RPTOR: variants seen among roughly 807,000 people sequenced by gnomAD.
RPTOR encodes the protein regulatory-associated protein of mTOR.
A neutral mutation model predicts 169.9 loss-of-function variants in RPTOR; 21 were observed. The observed-to-expected ratio is 0.12, with a 90% CI of 0.09 to 0.18. RPTOR has a LOEUF of 0.18. Ranked by LOEUF, RPTOR falls within the 10% of genes least tolerant of loss-of-function variation. RPTOR has a pLI of 1.00. For synonymous variants in RPTOR, 732 were observed against 753.2 expected (o/e 0.97, Z 0.46); for missense variants, 1,133 against 1,855.9 (o/e 0.61, Z 7.16).
At chr17:80,559,877 T>C (rs1257234061) in intron 1 of RPTOR, among the ~76,000 whole-genome samples, 1 of 152,224 alleles carries the variant, frequency 6.6e-6, no homozygotes, top group African/African-American at 2.4e-5. Flanking sequence ...CCTTGTTTTC[T>C]GAGGTAAACG....
chr17:80,545,690 C>G lies in RPTOR; in HGVS notation c.61C>G (p.Leu21Val). The G allele has an allele frequency of 6.2e-7, 1 of 1,613,790 alleles. No homozygotes were observed. Among genetic ancestry groups the G allele is most frequent in the Non-Finnish European group, 8.5e-7 (1 of 1,179,798 alleles). ...CCTGGGGGAGGAAGATGAGGCTGAT[C>G]TTACAGACTGGAACCTACCTTTGGC... ...LGLGEEDEAD[L>V]TDWNLPLAFM... is the part of the protein sequence containing the mutation. The change falls in exon 1 of 34, where the codon CTT becomes GTT. Residue 21 changes from leucine (L) to valine (V), a missense_variant. By Grantham distance (32) the Leu-to-Val change is conservative (BLOSUM62 1). Around this residue, in one of 9 missense-constraint regions of RPTOR, gnomAD observed 47 missense variants for 59.5 expected, o/e 0.79. Transcript: ENST00000306801.
At chr17:80,684,295 A>G (rs2065919165) in intron 3 of RPTOR, among the ~76,000 whole-genome samples, 2 of 151,958 alleles carry the variant, frequency 1.3e-5, no homozygotes, top group South Asian at 4.1e-4. Flanking sequence ...TCAAAACTGT[A>G]TAAAGCTAGA....
In RPTOR at chr17:80,957,001, G is replaced by A. The variant is rs187238954; in HGVS notation, c.3371-623G>A. Among the ~76,000 whole-genome samples the A allele has an allele frequency of 3.2e-4, 49 of 152,362 alleles. No individual in the cohort carries two copies. The highest frequency in any genetic ancestry group is 1.1e-3 in the African/African-American group (47 of 41,592). On this transcript the variant is annotated intron_variant, in intron 28 of 33. Transcript: ENST00000306801. The surrounding 1 kb of genome is among the most constrained non-coding windows in gnomAD (Gnocchi z 4.6). ...CTCTAGCGATGCCTGGGGCATAGTC[G>A]AGTCAGGGGAAGACTCAGAGTTCCA... is the stretch of plus-strand genomic sequence containing the variant.
chr17:80,610,662 G>T (rs1043424822), intron 1 of RPTOR, among the ~76,000 whole-genome samples: 1 of 152,152 alleles, frequency 6.6e-6, no homozygotes, highest in African/African-American at 2.4e-5. Context: ...TGATCCTTCA[G>T]CTGAACCTAG....
chr17:80,598,251 T>G (rs2065158651), intron 1 of RPTOR, among the ~76,000 whole-genome samples: 1 of 152,204 alleles, frequency 6.6e-6, no homozygotes, highest in Non-Finnish European at 1.5e-5. Context: ...TGATGCCATT[T>G]CAACATGGAG....
intron 1 of RPTOR, among the ~76,000 whole-genome samples, chr17:80,610,450 C>A (rs2065262048): frequency 6.6e-6 from 1 of 152,120 alleles, no homozygotes. Context: ...GATGACGGGG[C>A]TGAGATGCTG....
intron 5 of RPTOR, among the ~76,000 whole-genome samples, chr17:80,733,252 GTCAC>G (rs1318745013): frequency 6.6e-6 from 1 of 152,132 alleles, no homozygotes; most frequent in African/African-American, 2.4e-5. Context: ...TGACATATCT[GTCAC>G]TCAGTAATCC....
At chr17:80,546,945 C>G (rs145670872) in intron 1 of RPTOR, among the ~76,000 whole-genome samples, 8,291 of 151,958 alleles carry the variant, frequency 0.055, 756 homozygotes, top group African/African-American at 0.19. Flanking sequence ...GGCAGGTGCC[C>G]GTAATCCCAG....
chr17:80,932,513 G>A lies in RPTOR; in HGVS notation c.2919+7033G>A, dbSNP rs78057188. Among the ~76,000 whole-genome samples, 665 of 152,224 alleles carry A rather than the reference G, an allele frequency of 4.4e-3. 5 individuals are homozygous for A. Among genetic ancestry groups the A allele is most frequent in the African/African-American group, 0.015 (616 of 41,530 alleles). ...TGACCTAAAGGCATTGACAGCAAAGGTAGACAACAAACATGAACAGATGAG... is the reference window on the plus strand; with the variant it reads ...TGACCTAAAGGCATTGACAGCAAAGATAGACAACAAACATGAACAGATGAG... On this transcript the variant is annotated intron_variant, in intron 24 of 33. Coordinates refer to ENST00000306801, the MANE Select transcript of RPTOR (RefSeq NM_020761.3).
In RPTOR at chr17:80,946,077, G is replaced by A. The variant is rs370548357; in HGVS notation, c.3140+296G>A. On this transcript the variant is annotated intron_variant, in intron 26 of 33. Transcript: ENST00000306801. ...CCCCAGTGACACTTGTAATAGAGGCGTACACAGGGGGGCCAGCTTGCTGCC... is the reference window on the plus strand; with the variant it reads ...CCCCAGTGACACTTGTAATAGAGGCATACACAGGGGGGCCAGCTTGCTGCC... Among the ~76,000 whole-genome samples, 6 of 152,148 alleles carry A rather than the reference G, an allele frequency of 3.9e-5. No homozygotes were observed. The East Asian group carries it at 7.7e-4, about 20-fold the overall frequency.
At chr17:80,626,434 G>A (rs1206475728) in intron 2 of RPTOR, among the ~76,000 whole-genome samples, 2 of 152,146 alleles carry the variant, frequency 1.3e-5, no homozygotes, top group African/African-American at 4.8e-5. Flanking sequence ...TGGAATGACT[G>A]ATACCTGCAT....
At chr17:80,680,812 C>T (rs1013620137) in intron 3 of RPTOR, among the ~76,000 whole-genome samples, 17 of 151,906 alleles carry the variant, frequency 1.1e-4, no homozygotes, top group Admixed American at 1.1e-3. Flanking sequence ...TCCTGCGTGC[C>T]GAGGCAAAGA....
At chr17:80,830,896 A>T (rs559379447) in intron 9 of RPTOR, among the ~76,000 whole-genome samples, 1 of 152,168 alleles carries the variant, frequency 6.6e-6, no homozygotes, top group African/African-American at 2.4e-5. Context: ...GACTACAGGC[A>T]CACGCCCAGC....
intron 3 of RPTOR, among the ~76,000 whole-genome samples, chr17:80,645,532 G>T (rs2065588370): frequency 6.6e-6 from 1 of 152,202 alleles, no homozygotes; most frequent in South Asian, 2.1e-4. Flanking sequence ...GATATTGTAT[G>T]TGTATTCCAT....
intron 13 of RPTOR, among the ~76,000 whole-genome samples, chr17:80,868,001 T>C (rs2068012587): frequency 6.6e-6 from 1 of 152,148 alleles, no homozygotes. Context: ...TACTACCTGA[T>C]TACAAGAGTG....
intron 7 of RPTOR, among the ~76,000 whole-genome samples, chr17:80,806,153 A>T (rs1390256242): frequency 6.6e-6 from 1 of 152,214 alleles, no homozygotes; most frequent in African/African-American, 2.4e-5. Flanking sequence ...GGGTGGAATT[A>T]TGGAACTTTC....
At chr17:80,932,687 A>C (rs1350629425) in intron 24 of RPTOR, among the ~76,000 whole-genome samples, 2 of 152,202 alleles carry the variant, frequency 1.3e-5, no homozygotes, top group Non-Finnish European at 2.9e-5. Flanking sequence ...AAAGACTACA[A>C]AGAGTGGGAA....
intron 3 of RPTOR, among the ~76,000 whole-genome samples, chr17:80,664,075 G>C (rs2065744869): frequency 6.6e-6 from 1 of 152,116 alleles, no homozygotes; most frequent in East Asian, 1.9e-4. Context: ...GCCTCCTCCA[G>C]GGCTGCGTCT....
At chr17:80,679,703 G>A (rs1172409864) in intron 3 of RPTOR, among the ~76,000 whole-genome samples, 2 of 152,226 alleles carry the variant, frequency 1.3e-5, no homozygotes, top group African/African-American at 4.8e-5. Context: ...TAGCTGTAAG[G>A]AGTTGAAGTG....
Sources: gnomAD v4.1 joint callset for allele counts (sites outside exome capture counted in the v4.1 genomes callset) on GRCh38, gnomAD v4.1.1 for gene constraint, gnomAD v4.1.1 regional missense constraint, Gnocchi (gnomAD v3.1) non-coding constraint, MANE v1.5 for transcripts, NCBI Gene and HGNC (gene_info 2026-07-23, HGNC 2026-07-21) for gene names.